Variants in UBXN8 observed in about 807,000 individuals in gnomAD.
UBXN8 encodes UBX domain protein 8.
A neutral mutation model predicts 32.1 loss-of-function variants in UBXN8; 27 were observed. The ratio of observed to expected loss-of-function variants is 0.84; its 90% CI spans 0.62 to 1.16. The LOEUF (loss-of-function observed/expected upper bound fraction) is 1.16. Among genes scored for constraint, UBXN8 ranks in the 50% most tolerant of loss-of-function variants. The probability of loss-of-function intolerance (pLI) is 0.00; values close to 1 mark genes in which losing one functional copy is unlikely to be tolerated. For missense variants in UBXN8, 306 were observed against 311.4 expected (o/e 0.98, Z 0.13); for synonymous variants, 109 against 111.8 (o/e 0.98, Z 0.16).
In UBXN8 at chr8:30,763,270, T is replaced by C. The variant is rs1395529429; in HGVS notation, c.571-3T>C. 1 of 1,613,748 alleles carries C rather than the reference T, an allele frequency of 6.2e-7. No individual in the cohort carries two copies. The highest frequency in any genetic ancestry group is 1.1e-5 in the South Asian group (1 of 91,082). On this transcript the variant is annotated splice_region_variant and splice_polypyrimidine_tract_variant and intron_variant, in intron 6 of 7. Transcript: ENST00000265616. ...AGTTCTTATGTGAATATTTCTTCCT[T>C]AGGTAGTTACTGTTGCTCTCCGATG...
At chr8:30,757,034 G>T in intron 5 of UBXN8, 147 bp downstream of exon 5, 8 of 1,271,552 alleles carry the variant, frequency 6.3e-6, no homozygotes, top group Non-Finnish European at 8.5e-6. Context: ...AATCACCCCA[G>T]AATAGGCCGG....
chr8:30,735,397 T>TAA (rs10649604), intron 1 of UBXN8, among the ~76,000 whole-genome samples: 38,268 of 151,802 alleles, frequency 0.25, 5,530 homozygotes, highest in African/African-American at 0.4. Flanking sequence ...CCGTCTCTAC[T>TAA]AAATACAAAA....
At chr8:30,745,329 C>T (rs1443350472) in intron 1 of UBXN8, among the ~76,000 whole-genome samples, 4 of 152,046 alleles carry the variant, frequency 2.6e-5, no homozygotes, top group Admixed American at 1.3e-4. Context: ...CTGAGCAAAC[C>T]TAGGTATTTG....
At chr8:30,766,123 G>T in intron 7 of UBXN8, 104 bp from the exon 8 acceptor site, 1 of 1,178,458 alleles carries the variant, frequency 8.5e-7, no homozygotes. Context: ...TACTCCTAGG[G>T]ATATGATTTT....
chr8:30,740,913 C>A (rs564608727), upstream of UBXN8, among the ~76,000 whole-genome samples: 7 of 152,328 alleles, frequency 4.6e-5, no homozygotes, highest in South Asian at 1.0e-3. Flanking sequence ...CATCAGGCTG[C>A]AAAGCTTCCT....
At chr8:30,757,800 C>A (rs1805702085) in intron 5 of UBXN8, among the ~76,000 whole-genome samples, 1 of 146,438 alleles carries the variant, frequency 6.8e-6, no homozygotes, top group Non-Finnish European at 1.5e-5. Context: ...GTGGAGGTTG[C>A]AGTGAGCCTA....
intron 7 of UBXN8, among the ~76,000 whole-genome samples, chr8:30,763,614 T>C (rs1378774974): frequency 1.3e-5 from 2 of 152,246 alleles, no homozygotes; most frequent in South Asian, 4.1e-4. Flanking sequence ...TTTCATTACA[T>C]TATCATAATT....
chr8:30,748,653 G>A (rs980521507), intron 1 of UBXN8, among the ~76,000 whole-genome samples: 1 of 151,962 alleles, frequency 6.6e-6, no homozygotes, highest in African/African-American at 2.4e-5. Flanking sequence ...TGATTCTCCT[G>A]CCTCAGCCTC....
chr8:30,761,331 G>A (rs767113546), intron 6 of UBXN8, among the ~76,000 whole-genome samples: 10 of 151,562 alleles, frequency 6.6e-5, no homozygotes, highest in East Asian at 1.9e-4. Context: ...TGCAGCGTCC[G>A]CCTCCTGAGT....
chr8:30,766,032 T>A (rs1805994841), intron 7 of UBXN8, among the ~76,000 whole-genome samples, 195 bp from the exon 8 acceptor site: 2 of 151,622 alleles, frequency 1.3e-5, no homozygotes, highest in African/African-American at 4.8e-5. Flanking sequence ...AAAAGAATAT[T>A]CCTATCTCTG....
At chr8:30,764,159 C>T (rs567643941) in intron 7 of UBXN8, among the ~76,000 whole-genome samples, 49 of 152,274 alleles carry the variant, frequency 3.2e-4, no homozygotes, top group African/African-American at 1.1e-3. Flanking sequence ...ATTATGTGTG[C>T]ATTAAAAATA....
chr8:30,744,350 C>T, intron 1 of UBXN8, 73 bp downstream of exon 1: 2 of 1,456,270 alleles, frequency 1.4e-6, no homozygotes, highest in Non-Finnish European at 1.9e-6. Context: ...GAACGACCGC[C>T]TCTTCGGCTG....
At position 30,747,713 on chromosome 8, in the gene UBXN8, A is replaced by G. The variant is rs1434972918; in HGVS notation, c.88+3436A>G. ...ATGTGTTGTATTGAATAACACCTGA[A>G]TCAACAGTTAATACTGGCAAGTTGG... On this transcript the variant is annotated intron_variant, in intron 1 of 7. Transcript: ENST00000265616. Among the ~76,000 whole-genome samples, 2 of 139,058 alleles carry G rather than the reference A, an allele frequency of 1.4e-5. 1 individual carries two copies. Among genetic ancestry groups the G allele is most frequent in the African/African-American group, 5.6e-5 (2 of 35,536 alleles). The allele number at this position is 139,058 out of a possible 152,430, so 91.2% of individuals were successfully genotyped here. A position where few individuals can be genotyped will look rare whatever the true frequency, so the allele number is the denominator to read the frequency against.
chr8:30,738,297 C>T (rs1377298818), intron 1 of UBXN8, among the ~76,000 whole-genome samples: 1 of 151,384 alleles, frequency 6.6e-6, no homozygotes, highest in East Asian at 1.9e-4. Flanking sequence ...GGCAGGATTG[C>T]TTGAGCCTAG....
Position 30,759,968 on chromosome 8 carries a change from T to TAAATAAAATA in UBXN8, c.529-884_529-875dup, listed in dbSNP as rs149333500. Among the ~76,000 whole-genome samples the TAAATAAAATA allele has an allele frequency of 8.1e-3, 1,145 of 141,664 alleles. 15 individuals are homozygous for TAAATAAAATA. Among genetic ancestry groups the TAAATAAAATA allele is most frequent in the African/African-American group, 0.029 (1,078 of 37,070 alleles). The allele number at this position is 141,664 out of a possible 152,430, so 92.9% of individuals were successfully genotyped here. On this transcript the variant is annotated intron_variant, in intron 5 of 7. Coordinates refer to ENST00000265616, the MANE Select transcript of UBXN8 (RefSeq NM_005671.4). Reference sequence around the variant, plus strand: ...TGAGACTCCGTCTCAGAAAAATAAATAAATAAAATAAAATAAAATAAAATA... The same window carrying TAAATAAAATA: ...TGAGACTCCGTCTCAGAAAAATAAATAAATAAAATAAAATAAAATAAAATAAAATAAAATA...
intron 3 of UBXN8, chr8:30,754,170 C>T (rs1805587495): frequency 1.0e-5 from 2 of 192,670 alleles, no homozygotes; most frequent in Admixed American, 6.0e-5. Context: ...AACCCAGGAG[C>T]CAGAGATGGC....
At position 30,766,975 on chromosome 8, in the gene UBXN8, G is replaced by A. The variant is rs1380958701; in HGVS notation, c.*581G>A. The A allele has an allele frequency of 2.0e-5, 3 of 152,160 alleles. No homozygotes were observed. Among genetic ancestry groups the A allele is most frequent in the Admixed American group, 1.3e-4 (2 of 15,258 alleles). The allele number at this position is 152,160 out of a possible 1,614,324, so 9.4% of individuals were successfully genotyped here. ...TCAGTATTTTAAAAAATAAAACTATGAAAGCATTAAAATATAGGTGAATTT... is the reference window on the plus strand; with the variant it reads ...TCAGTATTTTAAAAAATAAAACTATAAAAGCATTAAAATATAGGTGAATTT... On this transcript the variant is annotated 3_prime_UTR_variant, in exon 8 of 8. Transcript: ENST00000265616.
upstream of UBXN8, among the ~76,000 whole-genome samples, chr8:30,729,477 G>A (rs542599894): frequency 2.0e-5 from 3 of 152,306 alleles, no homozygotes; most frequent in Non-Finnish European, 4.4e-5. Context: ...TTTGGTTTTG[G>A]TTTGACCTGG....
intron 1 of UBXN8, among the ~76,000 whole-genome samples, chr8:30,747,887 A>ATTT (rs1449255462): frequency 3.4e-4 from 14 of 40,662 alleles, no homozygotes; most frequent in Admixed American, 1.4e-3. Context: ...TTTAATATAT[A>ATTT]TTTTTTCTTT....
Sources: gnomAD v4.1 joint callset for allele counts (sites outside exome capture counted in the v4.1 genomes callset) on GRCh38, gnomAD v4.1.1 for gene constraint, MANE v1.5 for transcripts, NCBI Gene and HGNC (gene_info 2026-07-23, HGNC 2026-07-21) for gene names.